PRKN: variants seen among roughly 807,000 people sequenced by gnomAD.
The protein encoded by PRKN is parkin RBR E3 ubiquitin protein ligase.
PRKN carries 56 observed loss-of-function variants against 59.5 expected under a neutral mutation model. The ratio of observed to expected loss-of-function variants is 0.94; its 90% confidence interval spans 0.76 to 1.18. The LOEUF (loss-of-function observed/expected upper bound fraction) is 1.18. PRKN is among the 50% of genes most tolerant of loss of function. PRKN has a pLI of 0.00. For synonymous variants in PRKN, 250 were observed against 222.1 expected (o/e 1.13, Z -1.12); for missense variants, 657 against 596.4 (o/e 1.10, Z -1.06).
At chr6:162,637,025 G>A (rs1375344139) in intron 1 of PRKN, among the ~76,000 whole-genome samples, 2 of 152,122 alleles carry the variant, frequency 1.3e-5, no homozygotes, top group Non-Finnish European at 2.9e-5. Context: ...GGGAGGCTGA[G>A]GCGGGCAGAT....
intron 7 of PRKN, among the ~76,000 whole-genome samples, chr6:161,721,221 T>C (rs1438782786): frequency 6.6e-6 from 1 of 152,236 alleles, no homozygotes; most frequent in Non-Finnish European, 1.5e-5. Flanking sequence ...TGTATAAAAG[T>C]ATAAAATAAA....
At chr6:161,884,581 T>A (rs566810080) in intron 6 of PRKN, among the ~76,000 whole-genome samples, 1 of 152,352 alleles carries the variant, frequency 6.6e-6, no homozygotes, top group South Asian at 2.1e-4. Flanking sequence ...GAGATTACGA[T>A]ACGAATGGTG....
At chr6:161,370,044 C>G in intron 10 of PRKN, 1 of 432,112 alleles carries the variant, frequency 2.3e-6, no homozygotes, top group South Asian at 1.6e-5. Flanking sequence ...GTAATCATCA[C>G]GATCATCTCT....
intron 1 of PRKN, among the ~76,000 whole-genome samples, chr6:162,464,321 A>G (rs1038678540): frequency 6.6e-6 from 1 of 152,214 alleles, no homozygotes; most frequent in Non-Finnish European, 1.5e-5. Flanking sequence ...TGAAAATTAA[A>G]TAAATGAACT....
chr6:161,819,490 C>CA (rs972186417), intron 6 of PRKN, among the ~76,000 whole-genome samples: 1 of 151,080 alleles, frequency 6.6e-6, no homozygotes, highest in East Asian at 1.9e-4. Flanking sequence ...GACTCTGTCT[C>CA]AAAAAAATAA....
At chr6:162,063,699 C>G (rs993112030) in intron 4 of PRKN, among the ~76,000 whole-genome samples, 7 of 152,076 alleles carry the variant, frequency 4.6e-5, no homozygotes, top group Non-Finnish European at 8.8e-5. Flanking sequence ...CATTTGCCAC[C>G]ACACCCGGCT....
In PRKN at chr6:162,223,603, T is replaced by C. The variant is rs549593108; in HGVS notation, c.413-22351A>G. Among the ~76,000 whole-genome samples, 4 of 146,498 alleles carry C rather than the reference T, an allele frequency of 2.7e-5. No homozygotes were observed. In the South Asian group the frequency reaches 8.6e-4, roughly 32 times the overall value. On this transcript the variant is annotated intron_variant, in intron 3 of 11. Coordinates refer to ENST00000366898, the MANE Select transcript of PRKN (RefSeq NM_004562.3). ...TATGTGTATATTGGCTTATTCCAAA[T>C]AGACACGTGACACACACACACACAC...
intron 6 of PRKN, among the ~76,000 whole-genome samples, chr6:161,898,348 A>C (rs1446419784): frequency 6.6e-6 from 1 of 152,204 alleles, no homozygotes; most frequent in African/African-American, 2.4e-5. Flanking sequence ...GTTCTAGGGA[A>C]TCACGAAGGT....
chr6:161,646,045 T>C (rs9458323), intron 7 of PRKN, among the ~76,000 whole-genome samples: 26,460 of 63,012 alleles, frequency 0.42, 7,263 homozygotes, highest in African/African-American at 0.47. Context: ...GCATGCGTGG[T>C]GGAGGAGGCG....
chr6:162,224,213 T>C (rs1217813970), intron 3 of PRKN, among the ~76,000 whole-genome samples: 1 of 152,194 alleles, frequency 6.6e-6, no homozygotes, highest in African/African-American at 2.4e-5. Context: ...CTAACAATGT[T>C]CTGGTCAACA....
At chr6:161,939,990 C>A (rs1160764730) in intron 6 of PRKN, among the ~76,000 whole-genome samples, 1 of 151,758 alleles carries the variant, frequency 6.6e-6, no homozygotes, top group Non-Finnish European at 1.5e-5. Context: ...CCTCTGTCTC[C>A]CGGGTTCAAA....
intron 5 of PRKN, among the ~76,000 whole-genome samples, chr6:162,010,262 T>G (rs564358706): frequency 7.6e-6 from 1 of 131,544 alleles, no homozygotes; most frequent in Non-Finnish European, 1.5e-5. Context: ...TAATATATAT[T>G]TTATATATAT....
At chr6:162,576,830 A>G (rs1044597352) in intron 1 of PRKN, among the ~76,000 whole-genome samples, 3 of 151,556 alleles carry the variant, frequency 2.0e-5, no homozygotes, top group Non-Finnish European at 4.4e-5. Flanking sequence ...AAAAAAAAAA[A>G]AAGGGACTAC....
intron 6 of PRKN, among the ~76,000 whole-genome samples, chr6:161,890,307 T>C (rs1204653599): frequency 6.6e-6 from 1 of 152,180 alleles, no homozygotes; most frequent in Admixed American, 6.5e-5. Flanking sequence ...AACTTCCCTT[T>C]TTTCCTTCAG....
chr6:161,394,971 G>C (rs1378209594), intron 9 of PRKN, among the ~76,000 whole-genome samples: 2 of 152,040 alleles, frequency 1.3e-5, no homozygotes, highest in African/African-American at 4.8e-5. Flanking sequence ...TTTTCTTTAA[G>C]AGCGTTACTG....
At position 161,503,667 on chromosome 6, in the gene PRKN, G is replaced by A. The variant is rs545652805; in HGVS notation, c.1083+45187C>T. ...CTGCCCCCAGAGCCCTGCTTCGAGA[G>A]CCTCTATGCTTCTATGAAGGTCACA... On this transcript the variant is annotated intron_variant, in intron 9 of 11. Coordinates refer to ENST00000366898, the MANE Select transcript of PRKN (RefSeq NM_004562.3). This position sits in a 1 kb window ranked among gnomAD's most constrained non-coding sequence, Gnocchi z 5.1. Among the ~76,000 whole-genome samples the A allele has an allele frequency of 1.6e-4, 25 of 152,308 alleles. No homozygotes were observed. The highest frequency in any genetic ancestry group is 3.5e-4 in the Non-Finnish European group (24 of 68,018).
At chr6:161,963,358 T>G (rs532323229) in intron 6 of PRKN, among the ~76,000 whole-genome samples, 1 of 152,232 alleles carries the variant, frequency 6.6e-6, no homozygotes, top group Non-Finnish European at 1.5e-5. Context: ...AAGAATTTCA[T>G]GCACAAGCAC....
rs919895940 is a variant in PRKN, at chr6:161,473,805, A to C, written c.1083+75049T>G. Among the ~76,000 whole-genome samples, 1 of 152,174 alleles carries C rather than the reference A, an allele frequency of 6.6e-6. No individual in the cohort carries two copies. The highest frequency in any genetic ancestry group is 1.5e-5 in the Non-Finnish European group (1 of 68,038). ...TATAGTAACCACTTCACTATGTATA[A>C]ATATATCAAAATATGTTGTACACCT... is the stretch of plus-strand genomic sequence containing the variant. On this transcript the variant is annotated intron_variant, in intron 9 of 11. Transcript: ENST00000366898. This position sits in a 1 kb window ranked among gnomAD's most constrained non-coding sequence, Gnocchi z 4.1.
At chr6:162,256,534 G>C (rs769031339) in intron 3 of PRKN, among the ~76,000 whole-genome samples, 3 of 152,094 alleles carry the variant, frequency 2.0e-5, no homozygotes, top group African/African-American at 7.2e-5. Context: ...CAATAATTAC[G>C]ATGCTCAGAT....
Sources: gnomAD v4.1 joint callset for allele counts (sites outside exome capture counted in the v4.1 genomes callset) on GRCh38, gnomAD v4.1.1 for gene constraint, Gnocchi (gnomAD v3.1) non-coding constraint, MANE v1.5 for transcripts, NCBI Gene and HGNC (gene_info 2026-07-23, HGNC 2026-07-21) for gene names.